The following MYO18A variants were observed in gnomAD, a reference collection of about 807,000 sequenced individuals.
MYO18A encodes myosin XVIIIA.
In MYO18A, 78 loss-of-function variants were observed where a neutral mutation model predicts 235.8. The observed-to-expected ratio is 0.33, with a 90% CI of 0.28 to 0.40. The LOEUF (loss-of-function observed/expected upper bound fraction) is 0.40. Among genes scored for constraint, MYO18A ranks in the 10% least tolerant of loss-of-function variants. The probability of loss-of-function intolerance (pLI) is 1.00; values close to 1 mark genes in which losing one functional copy is unlikely to be tolerated. For missense variants in MYO18A, 2,215 were observed against 2,699.3 expected, an observed-to-expected ratio of 0.82 and a Z score of 3.98; for synonymous variants, 977 against 1,077.8, an observed-to-expected ratio of 0.91 and a Z score of 1.83.
intron 21 of MYO18A, among the ~76,000 whole-genome samples, chr17:29,100,632 A>G (rs1400894819): frequency 6.6e-6 from 1 of 152,148 alleles, no homozygotes; most frequent in Non-Finnish European, 1.5e-5. Context: ...GGTCGGGTGA[A>G]AAAAATAGCT....
intron 2 of MYO18A, among the ~76,000 whole-genome samples, chr17:29,141,450 T>G (rs201775378): frequency 9.6e-5 from 12 of 124,628 alleles, no homozygotes; most frequent in Admixed American, 1.6e-4. Context: ...AAAAAAAAAA[T>G]GGGGTGGGGG....
Position 29,140,317 on chromosome 17 carries a change from T to C in MYO18A, c.1000-18064A>G, listed in dbSNP as rs1567626882. ...TGAGGAGCCTGGGACATTTCCGGGG[T>C]GGGGGGTCAGAGGGACACTCACCCG... On this transcript the variant is annotated intron_variant, in intron 2 of 41. Coordinates refer to ENST00000527372, the MANE Select transcript of MYO18A (RefSeq NM_078471.4). The surrounding 1 kb of genome is among the most constrained non-coding windows in gnomAD (Gnocchi z 4.2). 1 of 1,231,198 alleles carries C rather than the reference T, an allele frequency of 8.1e-7. No homozygotes were observed. The allele number at this position is 1,231,198 out of a possible 1,614,324, so 76.3% of individuals were successfully genotyped here. A position where few individuals can be genotyped will look rare whatever the true frequency, so the allele number is the denominator to read the frequency against.
chr17:29,099,557 C>G, intron 22 of MYO18A, 77 bp downstream of exon 22: 1 of 1,541,268 alleles, frequency 6.5e-7, no homozygotes, highest in Non-Finnish European at 8.7e-7. Context: ...CTCTTCTCCC[C>G]CTTATAGCCC....
In MYO18A at chr17:29,118,094, C is replaced by G; in HGVS notation, c.1989G>C (p.Trp663Cys). 2 of 1,593,752 alleles carry G rather than the reference C, an allele frequency of 1.3e-6. No individual in the cohort carries two copies. The highest frequency in any genetic ancestry group is 1.7e-6 in the Non-Finnish European group (2 of 1,169,918). The change falls in exon 10 of 42, where the codon TGG becomes TGC. Residue 663 changes from tryptophan to cysteine, a missense_variant. Transcript: ENST00000527372. The surrounding 1 kb of genome is among the most constrained non-coding windows in gnomAD (Gnocchi z 4.2). ...GISPDEQKAC[W>C]FILAAIYHLG... ...GGTGGTAGATGGCAGCCAGAATGAA[C>G]CAGCAGGCCTTCTGTTCATCGGGGG...
chr17:29,098,535 T>C (rs1290256447), intron 23 of MYO18A, 90 bp from the exon 24 acceptor site: 1 of 1,469,752 alleles, frequency 6.8e-7, no homozygotes, highest in Non-Finnish European at 9.4e-7. Flanking sequence ...ACGAAGCTGA[T>C]GAAGCTTGGG....
At chr17:29,080,125 C>A (rs542645133) in intron 41 of MYO18A, 2 of 985,838 alleles carry the variant, frequency 2.0e-6, no homozygotes, top group Non-Finnish European at 2.4e-6. Flanking sequence ...GGCGGAGCGG[C>A]GGATGCTGGC....
intron 37 of MYO18A, 53 bp downstream of exon 37, chr17:29,089,908 C>A: frequency 1.2e-6 from 2 of 1,608,746 alleles, no homozygotes; most frequent in Non-Finnish European, 8.5e-7. Context: ...GCGGCTCCAG[C>A]GCTGGGGCAG....
intron 2 of MYO18A, among the ~76,000 whole-genome samples, chr17:29,130,113 A>G (rs1359778284): frequency 6.6e-6 from 1 of 152,120 alleles, no homozygotes; most frequent in African/African-American, 2.4e-5. Flanking sequence ...CCTGGGCAAC[A>G]TGGTGAAACT....
intron 41 of MYO18A, chr17:29,077,782 G>A (rs2066018320): frequency 6.6e-6 from 1 of 152,368 alleles, no homozygotes. Flanking sequence ...GGGTGATGGT[G>A]GGCTGAGGGC....
In MYO18A at chr17:29,115,790, G is replaced by A; in HGVS notation, c.2101C>T (p.Leu701=). 1.9e-6 allele frequency: 3 copies of A among 1,591,924 alleles called. No homozygotes were observed. Among genetic ancestry groups the A allele is most frequent in the Non-Finnish European group, 2.6e-6 (3 of 1,168,938 alleles). ...RHEWAQKAAY[L]LGCSLEELSS... ...AGCTCCTCCAGGCTGCAGCCCAGTA[G>A]GTACGCAGCCTTCTGGGCCCACTCA... The change falls in exon 12 of 42, where the codon CTA becomes TTA. Residue 701 remains leucine, a synonymous_variant. Coordinates refer to ENST00000527372, the MANE Select transcript of MYO18A (RefSeq NM_078471.4).
At chr17:29,105,149 G>A (rs1389547154) in intron 20 of MYO18A, among the ~76,000 whole-genome samples, 1 of 145,890 alleles carries the variant, frequency 6.9e-6, no homozygotes, top group Admixed American at 6.9e-5. Context: ...TCCAGCTTGG[G>A]CGACAGAACG....
intron 26 of MYO18A, 132 bp from the exon 27 acceptor site, chr17:29,097,482 G>T: frequency 8.1e-7 from 1 of 1,239,880 alleles, no homozygotes; most frequent in Non-Finnish European, 1.1e-6. Context: ...CTGCAATGAT[G>T]GCTTCCTCCC....
At position 29,109,930 on chromosome 17, in the gene MYO18A, G is replaced by GCTGCAGGAGCCCAGCCT. The variant is rs772947776; in HGVS notation, c.3242_3258dup (p.Leu1087ArgfsTer52). On this transcript the variant is annotated frameshift_variant, in exon 19 of 42. Transcript: ENST00000527372. LOFTEE classifies it high-confidence loss of function. This position sits in a 1 kb window ranked among gnomAD's most constrained non-coding sequence, Gnocchi z 4.1. ...TGGGTGCGGAGCAGGGGCACGTCGA[G>GCTGCAGGAGCCCAGCCT]CTGCAGGAGCCCAGCCTCGCAGTGG... 6.2e-7 allele frequency: 1 copy of GCTGCAGGAGCCCAGCCT among 1,600,094 alleles called. No homozygotes were observed. The highest frequency in any genetic ancestry group is 8.5e-7 in the Non-Finnish European group (1 of 1,173,766).
chr17:29,133,748 A>G, intron 2 of MYO18A: 2 of 1,259,088 alleles, frequency 1.6e-6, no homozygotes, highest in South Asian at 1.2e-5. Flanking sequence ...CTGCAGATAC[A>G]ACATGCCAAG....
Position 29,106,974 on chromosome 17 carries a change from G to C in MYO18A, c.3441+106C>G, listed in dbSNP as rs748763145. ...GCTTCCAAAACTGGGAGCCTGAGCA[G>C]GGCCAGATGAGCTGTCTCCAGGGAA... On this transcript the variant is annotated intron_variant, in intron 20 of 41. Coordinates refer to ENST00000527372, the MANE Select transcript of MYO18A (RefSeq NM_078471.4). This position sits in a 1 kb window ranked among gnomAD's most constrained non-coding sequence, Gnocchi z 4.6. 1 of 1,113,256 alleles carries C rather than the reference G, an allele frequency of 9.0e-7. No individual in the cohort carries two copies. Among genetic ancestry groups the C allele is most frequent in the Non-Finnish European group, 1.3e-6 (1 of 743,566 alleles). The allele number at this position is 1,113,256 out of a possible 1,614,324, so 69.0% of individuals were successfully genotyped here. A position where few individuals can be genotyped will look rare whatever the true frequency, so the allele number is the denominator to read the frequency against.
chr17:29,076,741 T>C (rs1370109351), intron 41 of MYO18A: 1 of 152,226 alleles, frequency 6.6e-6, no homozygotes, highest in Non-Finnish European at 1.5e-5. Flanking sequence ...TCTAAATTAG[T>C]GGGAGCCTGG....
rs1371756067 is a variant in MYO18A, at chr17:29,116,472, C to T, written c.2039-17G>A. 4 of 1,613,920 alleles carry T rather than the reference C, an allele frequency of 2.5e-6. No individual in the cohort carries two copies. The highest frequency in any genetic ancestry group is 3.4e-6 in the Non-Finnish European group (4 of 1,179,824). On this transcript the variant is annotated splice_polypyrimidine_tract_variant and intron_variant, in intron 10 of 41. Transcript: ENST00000527372. ...CAGCAGCTTCTGTAAGGCAAAGGAC[C>T]AGCATGCAGCATGCAAAGAAAAACA...
chr17:29,116,234 A>G (rs12945223), intron 11 of MYO18A, among the ~76,000 whole-genome samples: 11,827 of 152,278 alleles, frequency 0.078, 611 homozygotes, highest in South Asian at 0.16. Flanking sequence ...GAGATCGCTC[A>G]TGCCTCCACA....
intron 2 of MYO18A, among the ~76,000 whole-genome samples, chr17:29,150,506 C>T (rs921241383): frequency 6.6e-6 from 1 of 152,240 alleles, no homozygotes; most frequent in Non-Finnish European, 1.5e-5. Context: ...GAGAGGACAG[C>T]TCTTCCTTCT....
Sources: gnomAD v4.1 joint callset for allele counts (sites outside exome capture counted in the v4.1 genomes callset) on GRCh38, gnomAD v4.1.1 for gene constraint, Gnocchi (gnomAD v3.1) non-coding constraint, MANE v1.5 for transcripts, NCBI Gene and HGNC (gene_info 2026-07-23, HGNC 2026-07-21) for gene names.